CRADD: variants seen among roughly 807,000 people sequenced by gnomAD.
The protein encoded by CRADD is CARD and death domain containing adaptor protein.
In CRADD, 9 loss-of-function variants were observed where a neutral mutation model predicts 15.5. The observed-to-expected ratio is 0.58, with a 90% confidence interval of 0.35 to 1.01. CRADD has a LOEUF of 1.01. CRADD is among the 50% of genes least tolerant of loss of function. CRADD has a pLI of 0.02. For missense variants in CRADD, 227 were observed against 250.3 expected (o/e 0.91, Z 0.63); for synonymous variants, 118 against 107.6 (o/e 1.10, Z -0.60).
At chr12:93,869,201 G>A (rs1046728509) in intron 2 of CRADD, among the ~76,000 whole-genome samples, 1 of 152,088 alleles carries the variant, frequency 6.6e-6, no homozygotes, top group African/African-American at 2.4e-5. Flanking sequence ...CTAGGAGTAA[G>A]AGCAAAAATA....
rs540773329 is a variant in CRADD at position 93,833,089 on chromosome 12, G to A, written c.299-16881G>A. 1.1e-4 allele frequency among the ~76,000 whole-genome samples: 17 copies of A among 152,312 alleles called. No homozygotes were observed. The East Asian group carries it at 3.3e-3, about 29-fold the overall frequency. On this transcript the variant is annotated intron_variant, in intron 2 of 2. Transcript: ENST00000332896. ...TTGGGCTGCAGGCTCTTTTGCCTTT[G>A]TGGCAAAACTTCTCATGACTTTATT...
intron 2 of CRADD, among the ~76,000 whole-genome samples, chr12:93,786,635 A>G (rs1957280850): frequency 6.6e-6 from 1 of 152,218 alleles, no homozygotes. Flanking sequence ...TCTTTAAGAG[A>G]CAACATTCAG....
chr12:93,703,174 C>T (rs941796580), intron 2 of CRADD, among the ~76,000 whole-genome samples: 3 of 151,934 alleles, frequency 2.0e-5, no homozygotes, highest in Admixed American at 6.6e-5. Context: ...AGAAGTTTCT[C>T]TTTATCTAAG....
At chr12:93,820,944 G>A (rs1418691091) in intron 2 of CRADD, among the ~76,000 whole-genome samples, 1 of 152,200 alleles carries the variant, frequency 6.6e-6, no homozygotes, top group East Asian at 1.9e-4. Context: ...GTAAAAACAT[G>A]CTCTAGAGTA....
At chr12:93,810,343 GT>G (rs889386475) in intron 2 of CRADD, among the ~76,000 whole-genome samples, 4 of 151,988 alleles carry the variant, frequency 2.6e-5, no homozygotes, top group African/African-American at 9.7e-5. Context: ...GAGGTCGGGA[GT>G]TCGAGACCAG....
intron 2 of CRADD, among the ~76,000 whole-genome samples, chr12:93,770,118 C>G (rs1592975009): frequency 9.5e-6 from 1 of 104,870 alleles, no homozygotes; most frequent in Non-Finnish European, 1.9e-5. Context: ...TTTTTTGAGA[C>G]GGAGTCTCGC....
At chr12:93,790,434 A>G (rs1312430175) in intron 2 of CRADD, among the ~76,000 whole-genome samples, 1 of 152,112 alleles carries the variant, frequency 6.6e-6, no homozygotes, top group Non-Finnish European at 1.5e-5. Context: ...CACATTGTGC[A>G]CATGTACCCT....
At chr12:93,685,737 A>G (rs1368659183) in intron 2 of CRADD, among the ~76,000 whole-genome samples, 2 of 152,356 alleles carry the variant, frequency 1.3e-5, no homozygotes, top group Non-Finnish European at 2.9e-5. Flanking sequence ...CACTCCTGTG[A>G]TCCCAGCATT....
At chr12:93,836,757 T>G (rs1957977008) in intron 2 of CRADD, among the ~76,000 whole-genome samples, 1 of 152,194 alleles carries the variant, frequency 6.6e-6, no homozygotes, top group South Asian at 2.1e-4. Flanking sequence ...CCAGCAAATA[T>G]GTAGTGAGTG....
intron 2 of CRADD, among the ~76,000 whole-genome samples, chr12:93,817,997 G>A (rs1957726272): frequency 6.6e-6 from 1 of 152,198 alleles, no homozygotes; most frequent in South Asian, 2.1e-4. Context: ...GGTTCCCCCC[G>A]CCAGGTCTGG....
chr12:93,721,683 A>G (rs146101358), intron 2 of CRADD, among the ~76,000 whole-genome samples: 118 of 152,342 alleles, frequency 7.7e-4, no homozygotes, highest in Non-Finnish European at 1.4e-3. Flanking sequence ...AGTACATAAG[A>G]TGATGTATGT....
In CRADD at chr12:93,719,176, G is replaced by A. The variant is rs538448246; in HGVS notation, c.298+40104G>A. Among the ~76,000 whole-genome samples the A allele has an allele frequency of 4.6e-5, 7 of 152,228 alleles. No individual in the cohort carries two copies. The South Asian group carries it at 1.5e-3, about 32-fold the overall frequency. On this transcript the variant is annotated intron_variant, in intron 2 of 2. Coordinates refer to ENST00000332896, the MANE Select transcript of CRADD (RefSeq NM_003805.5). ...TGATGAAAGTTTTTATTATGAATAG[G>A]TGGTGAGTTTTGTCAAATGATATGA...
intron 2 of CRADD, among the ~76,000 whole-genome samples, chr12:93,883,214 A>G (rs1365762490): frequency 6.6e-6 from 1 of 152,224 alleles, no homozygotes; most frequent in Non-Finnish European, 1.5e-5. Context: ...ACAAAAACCC[A>G]TATTTAAGTC....
At chr12:93,731,399 TC>T (rs1490580007) in intron 2 of CRADD, among the ~76,000 whole-genome samples, 1 of 152,242 alleles carries the variant, frequency 6.6e-6, no homozygotes, top group African/African-American at 2.4e-5. Flanking sequence ...TGTAGGTACT[TC>T]CTGTACTTAT....
chr12:93,743,144 A>G (rs1452018137), intron 2 of CRADD, among the ~76,000 whole-genome samples: 1 of 152,218 alleles, frequency 6.6e-6, no homozygotes, highest in Non-Finnish European at 1.5e-5. Flanking sequence ...TAGTAACTTA[A>G]CTAGTACTCC....
Position 93,816,904 on chromosome 12 carries a change from G to A in CRADD, c.299-33066G>A, listed in dbSNP as rs114383872. ...CTAAGACTTACTTGCAAGGTCATGC[G>A]ACGACGTAGCAGGGTTCAAGCCTTG... On this transcript the variant is annotated intron_variant, in intron 2 of 2. Transcript: ENST00000332896. 1.7e-3 allele frequency among the ~76,000 whole-genome samples: 265 copies of A among 152,290 alleles called. 2 individuals carry two copies. Among genetic ancestry groups the A allele is most frequent in the African/African-American group, 5.6e-3 (233 of 41,560 alleles).
At chr12:93,882,537 G>A (rs765718272) in intron 2 of CRADD, among the ~76,000 whole-genome samples, 1 of 151,104 alleles carries the variant, frequency 6.6e-6, no homozygotes, top group Non-Finnish European at 1.5e-5. Flanking sequence ...AGCTAAATTT[G>A]TATATAAAAG....
intron 2 of CRADD, among the ~76,000 whole-genome samples, chr12:93,765,848 G>T (rs369519294): frequency 6.7e-6 from 1 of 149,308 alleles, no homozygotes; most frequent in African/African-American, 2.5e-5. Context: ...GTTTTATTAA[G>T]TTTTTTTTTT....
chr12:93,801,642 G>T (rs1409012132), intron 2 of CRADD, among the ~76,000 whole-genome samples: 2 of 152,134 alleles, frequency 1.3e-5, no homozygotes, highest in Admixed American at 6.5e-5. Flanking sequence ...CAGGTGATCC[G>T]CCTGCCTCAG....
Sources: allele counts gnomAD v4.1 joint callset (sites outside exome capture counted in the v4.1 genomes callset), GRCh38; gene constraint gnomAD v4.1.1; transcripts MANE v1.5; gene names NCBI Gene and HGNC (gene_info 2026-07-23, HGNC 2026-07-21).